The following PEX5L variants were observed in gnomAD, a reference collection of about 807,000 sequenced individuals.
PEX5L encodes the protein peroxisomal biogenesis factor 5 like.
A neutral mutation model predicts 84.0 loss-of-function variants in PEX5L; 30 were observed. The ratio of observed to expected loss-of-function variants is 0.36; its 90% CI spans 0.27 to 0.48. The LOEUF (loss-of-function observed/expected upper bound fraction) is 0.48. PEX5L is among the 20% of genes least tolerant of loss of function. The pLI, the probability that PEX5L is intolerant of heterozygous loss-of-function variation, is 0.99. For synonymous variants in PEX5L, 270 were observed against 283.1 expected, an observed-to-expected ratio of 0.95 and a Z score of 0.46; for missense variants, 533 against 754.6, an observed-to-expected ratio of 0.71 and a Z score of 3.44.
chr3:179,851,427 C>T (rs1385586097), intron 8 of PEX5L, among the ~76,000 whole-genome samples: 1 of 152,134 alleles, frequency 6.6e-6, no homozygotes, highest in Non-Finnish European at 1.5e-5. Context: ...CCCAAAGGCC[C>T]CATCTCTTCA....
chr3:179,900,675 C>A, intron 2 of PEX5L: 1 of 1,534,510 alleles, frequency 6.5e-7, no homozygotes, highest in Non-Finnish European at 8.7e-7. Context: ...CCCACCAAAG[C>A]CAGGGTCAGG....
chr3:180,020,853 A>G (rs757653626), intron 1 of PEX5L, among the ~76,000 whole-genome samples: 2 of 152,196 alleles, frequency 1.3e-5, no homozygotes, highest in Non-Finnish European at 2.9e-5. Flanking sequence ...TTTAAATCAA[A>G]CCAAGCAGAC....
chr3:179,996,224 G>A (rs1455130264), intron 1 of PEX5L, among the ~76,000 whole-genome samples: 10 of 152,222 alleles, frequency 6.6e-5, no homozygotes, highest in South Asian at 4.2e-4. Context: ...TGCTACACTC[G>A]AAAAGAGCTG....
intron 1 of PEX5L, among the ~76,000 whole-genome samples, chr3:180,027,883 C>T (rs977858542): frequency 6.6e-6 from 1 of 151,912 alleles, no homozygotes; most frequent in African/African-American, 2.4e-5. Flanking sequence ...TATAGAGTAG[C>T]CTTTATTTTG....
intron 5 of PEX5L, among the ~76,000 whole-genome samples, chr3:179,876,285 G>A (rs1752367852): frequency 6.6e-6 from 1 of 152,024 alleles, no homozygotes; most frequent in African/African-American, 2.4e-5. Flanking sequence ...CCTGAGGTCA[G>A]CAGTTCGACA....
At chr3:179,924,743 T>G (rs1044659236) in intron 2 of PEX5L, among the ~76,000 whole-genome samples, 2 of 152,210 alleles carry the variant, frequency 1.3e-5, no homozygotes, top group African/African-American at 4.8e-5. Flanking sequence ...GCAAAAAGGA[T>G]GGCATTTCCT....
Position 179,971,638 on chromosome 3 carries a change from G to C in PEX5L, c.49C>G (p.Leu17Val). The C allele has an allele frequency of 6.2e-7, 1 of 1,607,542 alleles. No individual in the cohort carries two copies. Among genetic ancestry groups the C allele is most frequent in the Non-Finnish European group, 8.5e-7 (1 of 1,177,126 alleles). ...ATTTCGAGGTCTTCATCACTGCTTA[G>C]TTTTCCATATCCTTGTTCTTTACTT... ...QKSKEQGYGK[L>V]SSDEDLEIIV... Residue 17 changes from leucine (L) to valine (V), a missense_variant, in exon 2 of 15, where the codon CTA becomes GTA. By Grantham distance (32) the Leu-to-Val change is conservative. Coordinates refer to ENST00000467460, the MANE Select transcript of PEX5L (RefSeq NM_016559.3).
chr3:180,014,707 C>G (rs527482238), intron 1 of PEX5L, among the ~76,000 whole-genome samples: 1 of 152,008 alleles, frequency 6.6e-6, no homozygotes, highest in African/African-American at 2.4e-5. Flanking sequence ...AGTGTGTGTT[C>G]TATTTTATAT....
At chr3:179,902,254 T>C (rs1471839747) in intron 2 of PEX5L, among the ~76,000 whole-genome samples, 1 of 152,176 alleles carries the variant, frequency 6.6e-6, no homozygotes. Flanking sequence ...CCAGACCTGT[T>C]TTCCAGGCTT....
In PEX5L at chr3:179,815,835, C is replaced by G. The variant is rs1196824777; in HGVS notation, c.1083+26G>C. On this transcript the variant is annotated intron_variant, in intron 10 of 14. Transcript: ENST00000467460. The stretch of plus-strand genomic sequence containing the variant: ...TTGTTAGCACATGCCCTTTCTGAGT[C>G]TGGCAGAATGAAGGGAGAATGACAC... 3.7e-6 allele frequency: 6 copies of G among 1,613,012 alleles called. No individual in the cohort carries two copies. The South Asian group carries it at 6.6e-5, about 18-fold the overall frequency.
intron 2 of PEX5L, among the ~76,000 whole-genome samples, chr3:179,898,778 A>G (rs1019743448): frequency 1.2e-4 from 19 of 152,130 alleles, no homozygotes; most frequent in Non-Finnish European, 2.2e-4. Context: ...GTGGCTTGAC[A>G]TAACAGTAAT....
At chr3:179,959,443 G>A (rs757563995) in intron 2 of PEX5L, among the ~76,000 whole-genome samples, 3 of 152,116 alleles carry the variant, frequency 2.0e-5, no homozygotes, top group Non-Finnish European at 4.4e-5. Flanking sequence ...CTTAAAGGCC[G>A]TGACTATGGT....
intron 2 of PEX5L, among the ~76,000 whole-genome samples, chr3:179,932,973 G>A (rs1165612826): frequency 6.6e-6 from 1 of 152,046 alleles, no homozygotes; most frequent in Non-Finnish European, 1.5e-5. Context: ...CTAAATAACT[G>A]AAATTTTGTA....
At chr3:179,945,943 A>G (rs1224778270) in intron 2 of PEX5L, among the ~76,000 whole-genome samples, 1 of 152,180 alleles carries the variant, frequency 6.6e-6, no homozygotes, top group Non-Finnish European at 1.5e-5. Flanking sequence ...AGTTGGAAAA[A>G]GAAAGGGTAA....
chr3:179,880,710 A>G (rs1464623412), intron 4 of PEX5L, among the ~76,000 whole-genome samples: 1 of 152,230 alleles, frequency 6.6e-6, no homozygotes, highest in East Asian at 1.9e-4. Flanking sequence ...TAGTATGCAA[A>G]TTTGAATTTC....
At chr3:180,033,578 G>A (rs1791646323) in intron 1 of PEX5L, among the ~76,000 whole-genome samples, 1 of 152,136 alleles carries the variant, frequency 6.6e-6, no homozygotes, top group African/African-American at 2.4e-5. Flanking sequence ...ATGCACATAG[G>A]CAAATAATCA....
chr3:179,927,132 G>A (rs1350828230), intron 2 of PEX5L, among the ~76,000 whole-genome samples: 1 of 152,128 alleles, frequency 6.6e-6, no homozygotes, highest in Non-Finnish European at 1.5e-5. Context: ...GTATGTCCTA[G>A]GCATTTGGGA....
intron 2 of PEX5L, among the ~76,000 whole-genome samples, chr3:179,958,582 T>C (rs955135779): frequency 1.8e-4 from 27 of 152,230 alleles, no homozygotes; most frequent in African/African-American, 6.5e-4. Context: ...TTAAGACAAA[T>C]ATCGGGTTAA....
At chr3:179,908,897 C>A (rs1476776188) in intron 2 of PEX5L, among the ~76,000 whole-genome samples, 1 of 152,066 alleles carries the variant, frequency 6.6e-6, no homozygotes, top group African/African-American at 2.4e-5. Context: ...GCTGTTTTAT[C>A]TTTTGAAAAT....
Sources: allele counts gnomAD v4.1 joint callset (sites outside exome capture counted in the v4.1 genomes callset), GRCh38; gene constraint gnomAD v4.1.1; transcripts MANE v1.5; gene names NCBI Gene and HGNC (gene_info 2026-07-23, HGNC 2026-07-21).